Variants in GAS2 observed in about 807,000 individuals in gnomAD.
GAS2 encodes growth arrest specific 2.
GAS2 carries 20 observed loss-of-function variants against 37.5 expected under a neutral mutation model. The observed-to-expected ratio is 0.53, with a 90% CI of 0.37 to 0.77. The LOEUF (loss-of-function observed/expected upper bound fraction) is 0.77, where lower values mean the gene tolerates loss of function less well. Ranked by LOEUF, GAS2 falls within the 30% of genes least tolerant of loss-of-function variation. The pLI is 0.00. For missense variants in GAS2, 336 were observed against 373.4 expected (o/e 0.90, Z 0.82); for synonymous variants, 144 against 132.2 (o/e 1.09, Z -0.61).
At chr11:22,749,771 C>G (rs747890806) in intron 6 of GAS2, among the ~76,000 whole-genome samples, 2 of 151,726 alleles carry the variant, frequency 1.3e-5, no homozygotes, top group Non-Finnish European at 2.9e-5. Context: ...AGCTTAGATT[C>G]CAACAAAAGT....
At chr11:22,648,019 A>G (rs1488181888) in intron 1 of GAS2, among the ~76,000 whole-genome samples, 2 of 152,140 alleles carry the variant, frequency 1.3e-5, no homozygotes, top group Non-Finnish European at 2.9e-5. Context: ...CCTGAATGGT[A>G]ATGCCTAGGT....
intron 3 of GAS2, among the ~76,000 whole-genome samples, chr11:22,692,246 T>C (rs1464345399): frequency 6.6e-6 from 1 of 152,142 alleles, no homozygotes. Context: ...TAGATCTTCA[T>C]GTCTAATTGA....
chr11:22,751,482 C>A (rs1327413797), intron 6 of GAS2, among the ~76,000 whole-genome samples: 1 of 151,746 alleles, frequency 6.6e-6, no homozygotes, highest in East Asian at 1.9e-4. Flanking sequence ...AAGACAAAGA[C>A]CATATTTTAT....
chr11:22,800,550 G>T (rs1329755907), intron 7 of GAS2, among the ~76,000 whole-genome samples: 1 of 152,012 alleles, frequency 6.6e-6, no homozygotes. Flanking sequence ...ACATCCTGCT[G>T]AAAAGCGTTC....
intron 3 of GAS2, among the ~76,000 whole-genome samples, chr11:22,686,553 TAAAAAAAAAAA>T (rs576718774): frequency 1.3e-4 from 6 of 47,248 alleles, no homozygotes; most frequent in East Asian, 8.0e-4. Flanking sequence ...CCGTCTCTAC[TAAAAAAAAAAA>T]AAAAAAAAAA....
intron 4 of GAS2, 101 bp downstream of exon 4, chr11:22,726,534 C>A (rs532142703): frequency 3.2e-6 from 3 of 937,638 alleles, no homozygotes; most frequent in African/African-American, 1.7e-5. Context: ...TGTCATTTTG[C>A]AGATTATTAG....
chr11:22,808,548 G>T (rs112921979), intron 7 of GAS2, among the ~76,000 whole-genome samples: 23 of 152,342 alleles, frequency 1.5e-4, no homozygotes, highest in African/African-American at 5.1e-4. Flanking sequence ...TAAATGGCCA[G>T]CATACTCCAG....
At chr11:22,761,801 C>A (rs1171715495) in intron 7 of GAS2, among the ~76,000 whole-genome samples, 1 of 152,100 alleles carries the variant, frequency 6.6e-6, no homozygotes, top group Non-Finnish European at 1.5e-5. Flanking sequence ...TGAGTAACTT[C>A]TCAAAGTTCT....
At chr11:22,673,253 A>C (rs1590604702) in intron 1 of GAS2, among the ~76,000 whole-genome samples, 1 of 152,222 alleles carries the variant, frequency 6.6e-6, no homozygotes, top group Admixed American at 6.5e-5. Context: ...CTTCAAAAGC[A>C]ATATTTAAAA....
chr11:22,736,089 A>G (rs1033762870), intron 4 of GAS2, among the ~76,000 whole-genome samples: 6 of 151,292 alleles, frequency 4.0e-5, no homozygotes, highest in Admixed American at 4.0e-4. Context: ...CTGTTTCGTA[A>G]TATGTGTTAT....
At chr11:22,747,300 C>G (rs1316513297) in intron 5 of GAS2, among the ~76,000 whole-genome samples, 1 of 152,126 alleles carries the variant, frequency 6.6e-6, no homozygotes, top group Non-Finnish European at 1.5e-5. Context: ...AGACAGTGAT[C>G]TCTACCACTA....
At chr11:22,760,061 G>A (rs369308889) in intron 7 of GAS2, among the ~76,000 whole-genome samples, 1 of 152,076 alleles carries the variant, frequency 6.6e-6, no homozygotes, top group Non-Finnish European at 1.5e-5. Flanking sequence ...AGGTTCAAGC[G>A]ATTCTTGTGA....
At position 22,629,376 on chromosome 11, in the gene GAS2, G is replaced by GGTA. The variant is rs1462114096; in HGVS notation, c.-21+3567_-21+3569dup. 2.6e-5 allele frequency among the ~76,000 whole-genome samples: 4 copies of GGTA among 152,218 alleles called. No individual in the cohort carries two copies. In the East Asian group the frequency reaches 7.7e-4, roughly 29 times the overall value. ...ATAATGACCATTCTGGCCAGGGTAA[G>GGTA]GTAGTATCCTTTTCCATAGAGGCTG... On this transcript the variant is annotated intron_variant, in intron 1 of 5. Coordinates refer to the GAS2 transcript ENST00000528582.
At chr11:22,768,477 C>T (rs1003963618) in intron 7 of GAS2, among the ~76,000 whole-genome samples, 1 of 152,202 alleles carries the variant, frequency 6.6e-6, no homozygotes, top group African/African-American at 2.4e-5. Flanking sequence ...ACACTCACAG[C>T]TTGCCCTTCA....
intron 1 of GAS2, among the ~76,000 whole-genome samples, chr11:22,643,961 C>T (rs1195455625): frequency 6.6e-6 from 1 of 151,966 alleles, no homozygotes; most frequent in African/African-American, 2.4e-5. Context: ...TTCTCAACCT[C>T]CTTTTTTTCT....
chr11:22,748,162 C>T (rs920963749), intron 5 of GAS2, among the ~76,000 whole-genome samples: 2 of 151,794 alleles, frequency 1.3e-5, no homozygotes, highest in African/African-American at 4.8e-5. Context: ...TGACTTTTCC[C>T]CTCCTTTTTA....
intron 1 of GAS2, among the ~76,000 whole-genome samples, chr11:22,630,219 C>G (rs1029875292): frequency 2.0e-5 from 3 of 152,074 alleles, no homozygotes; most frequent in African/African-American, 7.3e-5. Flanking sequence ...CACAACAGGC[C>G]CTGGTGTGTG....
chr11:22,664,698 C>T (rs530691764), upstream of GAS2, among the ~76,000 whole-genome samples: 12 of 152,012 alleles, frequency 7.9e-5, no homozygotes, highest in Admixed American at 2.6e-4. Flanking sequence ...AATACTTAGA[C>T]AAAAGATTAT....
At chr11:22,627,562 A>G (rs527256640) in intron 1 of GAS2, among the ~76,000 whole-genome samples, 3 of 152,300 alleles carry the variant, frequency 2.0e-5, no homozygotes, top group Non-Finnish European at 4.4e-5. Context: ...TGGGGTCAGG[A>G]GTTCCAGACC....
Sources: allele counts gnomAD v4.1 joint callset (sites outside exome capture counted in the v4.1 genomes callset), GRCh38; gene constraint gnomAD v4.1.1; transcripts MANE v1.5; gene names NCBI Gene and HGNC (gene_info 2026-07-23, HGNC 2026-07-21).